Variants in RAB6B observed in about 807,000 individuals in gnomAD.
The protein encoded by RAB6B is ras-related protein Rab-6B.
A neutral mutation model predicts 31.2 loss-of-function variants in RAB6B; 7 were observed. That is an observed-to-expected ratio of 0.22 (90% CI 0.13 to 0.42). The LOEUF (loss-of-function observed/expected upper bound fraction) is 0.42. RAB6B is among the 10% of genes least tolerant of loss of function. RAB6B has a pLI of 1.00. For synonymous variants in RAB6B, 105 were observed against 104.9 expected, an observed-to-expected ratio of 1.00 and a Z score of -0.01; for missense variants, 149 against 280.6, an observed-to-expected ratio of 0.53 and a Z score of 3.35.
intron 2 of RAB6B, among the ~76,000 whole-genome samples, chr3:133,857,065 T>G (rs1414094706): frequency 1.3e-5 from 2 of 152,226 alleles, no homozygotes; most frequent in Admixed American, 1.3e-4. Flanking sequence ...CAAGTGCACA[T>G]GCAGGGATGG....
In RAB6B at chr3:133,827,984, A is replaced by C; in HGVS notation, c.*804T>G. ...CCACGCAGCTGCAATTGCCAACAGC[A>C]CCTCGTCCTTCTGATGGCCTCTTGC... On this transcript the variant is annotated 3_prime_UTR_variant, in exon 8 of 8. Transcript: ENST00000285208. The C allele has an allele frequency of 1.4e-6, 1 of 702,888 alleles. No individual in the cohort carries two copies. The highest frequency in any genetic ancestry group is 2.6e-6 in the Non-Finnish European group (1 of 384,982). The allele number at this position is 702,888 out of a possible 1,614,324, so 43.5% of individuals were successfully genotyped here.
intron 2 of RAB6B, among the ~76,000 whole-genome samples, chr3:133,861,266 ACT>A (rs1936157039): frequency 6.6e-6 from 1 of 152,044 alleles, no homozygotes; most frequent in Non-Finnish European, 1.5e-5. Context: ...TCTGGCTGTG[ACT>A]CTTGTTTTTT....
intron 1 of RAB6B, chr3:133,885,680 T>G: frequency 2.9e-6 from 2 of 700,386 alleles, no homozygotes; most frequent in Non-Finnish European, 5.2e-6. Context: ...GGAGATAGGA[T>G]GGACAGGGGA....
intron 2 of RAB6B, among the ~76,000 whole-genome samples, chr3:133,843,037 T>C (rs968943147): frequency 6.6e-6 from 1 of 152,254 alleles, no homozygotes; most frequent in African/African-American, 2.4e-5. Context: ...TGTGCACAAG[T>C]GTGCATGTTT....
At chr3:133,843,247 G>C (rs866124586) in intron 2 of RAB6B, among the ~76,000 whole-genome samples, 1 of 152,204 alleles carries the variant, frequency 6.6e-6, no homozygotes, top group African/African-American at 2.4e-5. Context: ...CAGACCAGAG[G>C]GTTAAAGGAC....
intron 2 of RAB6B, among the ~76,000 whole-genome samples, chr3:133,854,739 A>G (rs892860267): frequency 6.6e-6 from 1 of 152,246 alleles, no homozygotes; most frequent in East Asian, 1.9e-4. Context: ...GTTCAGACAT[A>G]CAGTGCAGAA....
intron 2 of RAB6B, among the ~76,000 whole-genome samples, chr3:133,842,351 C>A (rs1935848440): frequency 6.6e-6 from 1 of 152,262 alleles, no homozygotes. Flanking sequence ...CAGGACCCAC[C>A]ACTCACTTGC....
chr3:133,862,677 C>T (rs1408670709), intron 2 of RAB6B, among the ~76,000 whole-genome samples: 1 of 152,070 alleles, frequency 6.6e-6, no homozygotes, highest in Admixed American at 6.6e-5. Context: ...GGATGGGGGA[C>T]AAGCAGTAGG....
chr3:133,852,447 G>A (rs1336468255), intron 2 of RAB6B, among the ~76,000 whole-genome samples: 3 of 150,968 alleles, frequency 2.0e-5, no homozygotes, highest in African/African-American at 7.3e-5. Flanking sequence ...GTAAGCTGGG[G>A]CAGAGAAACC....
chr3:133,844,003 G>C (rs1935873223), intron 2 of RAB6B, among the ~76,000 whole-genome samples: 1 of 152,202 alleles, frequency 6.6e-6, no homozygotes, highest in Non-Finnish European at 1.5e-5. Flanking sequence ...AACAAGCAAA[G>C]AACCATGGAG....
At chr3:133,888,473 G>A (rs576470574) in intron 1 of RAB6B, among the ~76,000 whole-genome samples, 134 of 152,174 alleles carry the variant, frequency 8.8e-4, no homozygotes, top group Non-Finnish European at 3.2e-4. Context: ...TCAGGGGTGA[G>A]GTAACATCTG....
At chr3:133,876,141 T>G (rs1479720913) in intron 1 of RAB6B, among the ~76,000 whole-genome samples, 1 of 152,196 alleles carries the variant, frequency 6.6e-6, no homozygotes, top group Non-Finnish European at 1.5e-5. Flanking sequence ...TGCAGCTATT[T>G]TGTAGGCAAA....
At chr3:133,831,903 T>C (rs2107985641) in intron 7 of RAB6B, among the ~76,000 whole-genome samples, 1 of 152,288 alleles carries the variant, frequency 6.6e-6, no homozygotes, top group East Asian at 1.9e-4. Flanking sequence ...CCAATCCCAG[T>C]GCCTCTGACT....
At chr3:133,841,155 A>T (rs1935822657) in intron 4 of RAB6B, 130 bp downstream of exon 4, 2 of 795,554 alleles carry the variant, frequency 2.5e-6, no homozygotes, top group East Asian at 2.8e-5. Context: ...GCATTCAGGG[A>T]GCAATCGCAC....
At chr3:133,860,569 C>A (rs984826157) in intron 2 of RAB6B, among the ~76,000 whole-genome samples, 2 of 152,244 alleles carry the variant, frequency 1.3e-5, no homozygotes, top group African/African-American at 4.8e-5. Context: ...AGAGGAAAGC[C>A]TCAGGGCGGA....
intron 1 of RAB6B, among the ~76,000 whole-genome samples, chr3:133,877,093 C>T (rs1252996153): frequency 2.0e-5 from 3 of 152,168 alleles, no homozygotes; most frequent in African/African-American, 7.2e-5. Flanking sequence ...CAGATTACTG[C>T]CCTCAGAAAA....
chr3:133,895,571 A>AG lies in RAB6B; in HGVS notation c.-106dup. The AG allele has an allele frequency of 8.6e-7, 1 of 1,156,300 alleles. No homozygotes were observed. The highest frequency in any genetic ancestry group is 1.3e-5 in the South Asian group (1 of 74,530). 71.6% of individuals were successfully genotyped at this position (1,156,300 alleles called of 1,614,324 possible). A position where few individuals can be genotyped will look rare whatever the true frequency, so the allele number is the denominator to read the frequency against. ...AGGCGGCCGGCGGTGCGGGAGCCGG[A>AG]GGGGGAAGGGCTGGCTGCGCGCGTC... On this transcript the variant is annotated 5_prime_UTR_variant, in exon 1 of 8. Transcript: ENST00000285208.
intron 2 of RAB6B, among the ~76,000 whole-genome samples, chr3:133,856,688 T>C (rs1211596483): frequency 1.3e-5 from 2 of 152,200 alleles, no homozygotes; most frequent in Non-Finnish European, 2.9e-5. Context: ...CTCCAGGCTT[T>C]AGTAATCTTT....
At chr3:133,879,856 A>G (rs1431209825) in intron 1 of RAB6B, among the ~76,000 whole-genome samples, 1 of 152,248 alleles carries the variant, frequency 6.6e-6, no homozygotes, top group Non-Finnish European at 1.5e-5. Flanking sequence ...TTTGAATGCT[A>G]GCCACCCTAT....
Sources: allele counts gnomAD v4.1 joint callset (sites outside exome capture counted in the v4.1 genomes callset), GRCh38; gene constraint gnomAD v4.1.1; transcripts MANE v1.5; gene names NCBI Gene and HGNC (gene_info 2026-07-23, HGNC 2026-07-21).